Variants in MCC observed in about 807,000 individuals in gnomAD.
The protein encoded by MCC is MCC regulator of Wnt signaling pathway.
MCC carries 90 observed loss-of-function variants against 116.2 expected under a neutral mutation model. The ratio of observed to expected loss-of-function variants is 0.77; its 90% CI spans 0.65 to 0.92. MCC has a LOEUF of 0.92. Among genes scored for constraint, MCC ranks in the 40% least tolerant of loss-of-function variants. MCC has a pLI of 0.00. For missense variants in MCC, 1,516 were observed against 1,312.2 expected (o/e 1.16, Z -2.40); for synonymous variants, 578 against 510.5 (o/e 1.13, Z -1.78).
intron 3 of MCC, among the ~76,000 whole-genome samples, chr5:113,249,488 C>T (rs1175623587): frequency 1.3e-5 from 2 of 152,186 alleles, no homozygotes; most frequent in East Asian, 1.9e-4. Context: ...TTTCCTTTTA[C>T]GTCTGCCAAA....
At chr5:113,197,630 C>G (rs531932089) in intron 3 of MCC, among the ~76,000 whole-genome samples, 43 of 152,300 alleles carry the variant, frequency 2.8e-4, no homozygotes, top group South Asian at 6.2e-4. Context: ...AAAACAACAA[C>G]TACTGATGGC....
At chr5:113,145,314 A>G (rs1429270716) in intron 4 of MCC, among the ~76,000 whole-genome samples, 1 of 152,098 alleles carries the variant, frequency 6.6e-6, no homozygotes, top group African/African-American at 2.4e-5. Flanking sequence ...TCTGTCTCTG[A>G]CCTGGATCTC....
intron 8 of MCC, among the ~76,000 whole-genome samples, chr5:113,100,494 T>G (rs1293118997): frequency 6.3e-5 from 6 of 94,806 alleles, no homozygotes; most frequent in African/African-American, 2.2e-4. Context: ...TTTTTGGACA[T>G]GGAGTCTCCT....
intron 3 of MCC, among the ~76,000 whole-genome samples, chr5:113,166,587 T>C (rs1480375837): frequency 2.0e-5 from 3 of 151,766 alleles, no homozygotes; most frequent in Non-Finnish European, 4.4e-5. Context: ...ATCCGAAGAC[T>C]CTGAGTCTTC....
At chr5:113,275,403 T>TTA (rs1272448213) in intron 3 of MCC, among the ~76,000 whole-genome samples, 1 of 152,182 alleles carries the variant, frequency 6.6e-6, no homozygotes. Flanking sequence ...TTGTCATTAT[T>TTA]TATAGGAAGT....
intron 3 of MCC, among the ~76,000 whole-genome samples, chr5:113,161,638 GTGTGTGTGTGTGTGTGT>G (rs1760492557): frequency 7.4e-5 from 2 of 27,180 alleles, no homozygotes; most frequent in Non-Finnish European, 2.4e-4. Flanking sequence ...GTGTGTGTGT[GTGTGTGTGTGTGTGTGT>G]GTGTGTGTGT....
chr5:113,084,046 T>C (rs1425726647), intron 10 of MCC, 55 bp downstream of exon 10: 19 of 1,358,566 alleles, frequency 1.4e-5, no homozygotes, highest in Non-Finnish European at 1.8e-5. Flanking sequence ...CTATAATCCA[T>C]TGTCTGTGTA....
intron 8 of MCC, among the ~76,000 whole-genome samples, chr5:113,094,942 C>G (rs1361985140): frequency 6.6e-6 from 1 of 152,118 alleles, no homozygotes; most frequent in Non-Finnish European, 1.5e-5. Context: ...TGGAAGAGGT[C>G]AAAGAACCAG....
intron 8 of MCC, among the ~76,000 whole-genome samples, chr5:113,098,609 C>T (rs1756195327): frequency 6.6e-6 from 1 of 152,152 alleles, no homozygotes; most frequent in South Asian, 2.1e-4. Flanking sequence ...ATAAAATTGC[C>T]TGTTGCTCCT....
At chr5:113,165,174 C>A (rs1378621652) in intron 3 of MCC, among the ~76,000 whole-genome samples, 1 of 152,218 alleles carries the variant, frequency 6.6e-6, no homozygotes, top group Non-Finnish European at 1.5e-5. Context: ...CAACCACAGA[C>A]CAGAATGAAA....
intron 3 of MCC, among the ~76,000 whole-genome samples, chr5:113,293,083 G>A (rs1766569625): frequency 6.6e-6 from 1 of 152,092 alleles, no homozygotes; most frequent in East Asian, 1.9e-4. Flanking sequence ...ACCTCAAAAT[G>A]CTATTTCAAA....
chr5:113,339,434 T>C (rs376962283), intron 3 of MCC, among the ~76,000 whole-genome samples: 2 of 132,180 alleles, frequency 1.5e-5, no homozygotes, highest in East Asian at 2.1e-4. Context: ...TGTGTGTGTG[T>C]GTGTGCGTGC....
chr5:113,129,210 G>A lies in MCC; in HGVS notation c.885-6384C>T, dbSNP rs560693192. Among the ~76,000 whole-genome samples, 3 of 152,274 alleles carry A rather than the reference G, an allele frequency of 2.0e-5. No individual in the cohort carries two copies. The East Asian group carries it at 5.8e-4, about 29-fold the overall frequency. ...GTGTGAGAGAGAGAGTTTAGGATAG[G>A]AGCCCAGGCTGAGGACAAACTTGGT... On this transcript the variant is annotated intron_variant, in intron 5 of 18. Coordinates refer to ENST00000408903, the MANE Select transcript of MCC (RefSeq NM_001085377.2).
intron 2 of MCC, among the ~76,000 whole-genome samples, chr5:113,341,831 CT>C (rs57521275): frequency 2.6e-5 from 4 of 151,836 alleles, no homozygotes; most frequent in Admixed American, 1.3e-4. Flanking sequence ...GAAAAGAAAA[CT>C]TTTTTTTACA....
intron 16 of MCC, among the ~76,000 whole-genome samples, chr5:113,046,782 G>C (rs1324967855): frequency 6.8e-6 from 1 of 147,668 alleles, no homozygotes; most frequent in Admixed American, 6.8e-5. Context: ...TGTGAACCCA[G>C]ATACAGTACC....
At chr5:113,331,314 G>A (rs945572019) in intron 3 of MCC, among the ~76,000 whole-genome samples, 3 of 151,766 alleles carry the variant, frequency 2.0e-5, no homozygotes. Context: ...GAGCAGAAGA[G>A]TGACTCAGCG....
chr5:113,056,247 G>A (rs140481383), intron 14 of MCC, among the ~76,000 whole-genome samples: 112 of 152,266 alleles, frequency 7.4e-4, no homozygotes, highest in African/African-American at 2.5e-3. Context: ...CATAGTACCT[G>A]CTTCATAAAG....
chr5:113,036,187 G>A (rs539515073), intron 17 of MCC, among the ~76,000 whole-genome samples: 4 of 152,052 alleles, frequency 2.6e-5, no homozygotes, highest in Middle Eastern at 3.4e-3. Flanking sequence ...ATAGGCACCT[G>A]TCACCATGCC....
intron 3 of MCC, among the ~76,000 whole-genome samples, chr5:113,308,928 C>A (rs1180175817): frequency 6.6e-6 from 1 of 152,168 alleles, no homozygotes; most frequent in Non-Finnish European, 1.5e-5. Flanking sequence ...TGATTTTGCA[C>A]AACCAAGGTT....
Sources: gnomAD v4.1 joint callset for allele counts (sites outside exome capture counted in the v4.1 genomes callset) on GRCh38, gnomAD v4.1.1 for gene constraint, MANE v1.5 for transcripts, NCBI Gene and HGNC (gene_info 2026-07-23, HGNC 2026-07-21) for gene names.